Variants in AFF3 observed in about 807,000 individuals in gnomAD.
AFF3 encodes the protein AF4/FMR2 family member 3.
AFF3 carries 32 observed loss-of-function variants against 129.7 expected under a neutral mutation model. The ratio of observed to expected loss-of-function variants is 0.25; its 90% CI spans 0.19 to 0.33. The LOEUF (loss-of-function observed/expected upper bound fraction) is 0.33. Among genes scored for constraint, AFF3 ranks in the 10% least tolerant of loss-of-function variants. The pLI is 1.00. For missense variants in AFF3, 1,373 were observed against 1,592.0 expected, an observed-to-expected ratio of 0.86 and a Z score of 2.34; for synonymous variants, 644 against 635.4, an observed-to-expected ratio of 1.01 and a Z score of -0.20.
At chr2:99,610,362 T>C (rs1268594818) in intron 13 of AFF3, among the ~76,000 whole-genome samples, 2 of 152,252 alleles carry the variant, frequency 1.3e-5, no homozygotes, top group African/African-American at 4.8e-5. Context: ...GAGAATGTTA[T>C]AGAAACAGAA....
chr2:99,872,348 C>CCACATTT (rs1691932700), intron 7 of AFF3, among the ~76,000 whole-genome samples: 1 of 151,562 alleles, frequency 6.6e-6, no homozygotes, highest in African/African-American at 2.4e-5. Context: ...TGTCTAAATA[C>CCACATTT]CACATTTTGG....
chr2:99,897,007 G>A (rs937404241), intron 7 of AFF3, among the ~76,000 whole-genome samples: 1 of 152,000 alleles, frequency 6.6e-6, no homozygotes, highest in Non-Finnish European at 1.5e-5. Flanking sequence ...AGTACACCCC[G>A]TGAATTTTAA....
At chr2:99,937,658 A>G (rs1219904422) in intron 7 of AFF3, among the ~76,000 whole-genome samples, 2 of 152,144 alleles carry the variant, frequency 1.3e-5, no homozygotes, top group African/African-American at 4.8e-5. Context: ...CGGCCTCCCA[A>G]AGTGCTGGGA....
chr2:99,928,333 A>T (rs756787138), intron 7 of AFF3, among the ~76,000 whole-genome samples: 18 of 152,214 alleles, frequency 1.2e-4, no homozygotes, highest in Non-Finnish European at 1.6e-4. Context: ...GTAAGTTTTT[A>T]AAATATATAA....
chr2:100,009,073 A>C, intron 4 of AFF3, 141 bp from the exon 5 acceptor site: 1 of 1,178,092 alleles, frequency 8.5e-7, no homozygotes, highest in Non-Finnish European at 1.2e-6. Context: ...CAAAAGCCAG[A>C]GTCATCAGGC....
chr2:100,008,955 G>A, intron 4 of AFF3, 23 bp from the exon 5 acceptor site: 3 of 1,612,416 alleles, frequency 1.9e-6, no homozygotes, highest in Non-Finnish European at 2.5e-6. Flanking sequence ...AAAGAAGAGA[G>A]AACAACCACA....
At chr2:99,746,659 G>GTT (rs201310688) in intron 9 of AFF3, among the ~76,000 whole-genome samples, 72 of 152,330 alleles carry the variant, frequency 4.7e-4, no homozygotes, top group African/African-American at 1.5e-3. Flanking sequence ...AATATCATCT[G>GTT]TAAGAATGAT....
intron 4 of AFF3, among the ~76,000 whole-genome samples, chr2:100,045,486 T>C (rs1385430563): frequency 3.9e-5 from 6 of 152,244 alleles, no homozygotes; most frequent in African/African-American, 1.4e-4. Context: ...TATTTATTAT[T>C]TTAAGTGAGG....
At chr2:99,617,762 ATTTTC>A (rs1681582737) in intron 13 of AFF3, among the ~76,000 whole-genome samples, 1 of 152,148 alleles carries the variant, frequency 6.6e-6, no homozygotes, top group Non-Finnish European at 1.5e-5. Flanking sequence ...TTTTCAAGGC[ATTTTC>A]TTTTCAAGTC....
At position 99,883,212 on chromosome 2, in the gene AFF3, T is replaced by C. The variant is rs149519432; in HGVS notation, c.874-45688A>G. Among the ~76,000 whole-genome samples the C allele has an allele frequency of 2.4e-3, 368 of 152,312 alleles. 4 individuals are homozygous for C. Among genetic ancestry groups the C allele is most frequent in the African/African-American group, 7.2e-3 (301 of 41,564 alleles). ...CTTTGCAATATGTTAATAATTAATATGAATTCACACCAATACGATATCTTC... is the reference window on the plus strand; with the variant it reads ...CTTTGCAATATGTTAATAATTAATACGAATTCACACCAATACGATATCTTC... On this transcript the variant is annotated intron_variant, in intron 7 of 24. Transcript: ENST00000672756.
intron 8 of AFF3, among the ~76,000 whole-genome samples, chr2:99,780,509 G>A (rs1684314662): frequency 6.6e-6 from 1 of 152,036 alleles, no homozygotes; most frequent in Admixed American, 6.6e-5. Context: ...TCCTGGCCAC[G>A]TTTACCCTGC....
intron 7 of AFF3, among the ~76,000 whole-genome samples, chr2:99,999,910 T>A (rs1251624409): frequency 2.6e-5 from 4 of 152,130 alleles, no homozygotes; most frequent in Non-Finnish European, 4.4e-5. Flanking sequence ...CCAGTCAGTA[T>A]CACTTCCAGA....
At chr2:99,809,962 G>A (rs1437778432) in intron 8 of AFF3, among the ~76,000 whole-genome samples, 1 of 152,152 alleles carries the variant, frequency 6.6e-6, no homozygotes, top group Non-Finnish European at 1.5e-5. Context: ...GTAAGGGAAA[G>A]GTCACTTTGT....
At chr2:100,021,903 T>G (rs1033527335) in intron 4 of AFF3, among the ~76,000 whole-genome samples, 1 of 152,180 alleles carries the variant, frequency 6.6e-6, no homozygotes, top group African/African-American at 2.4e-5. Context: ...ATTTAAAAAA[T>G]ATTATTTAAT....
At position 100,074,325 on chromosome 2, in the gene AFF3, T is replaced by C. The variant is rs145173689; in HGVS notation, c.53+30077A>G. On this transcript the variant is annotated intron_variant, in intron 4 of 24. Transcript: ENST00000672756. ...GTCCAAAGTATTCCTCAGTACCCTC[T>C]TGTTCTTGCCACTCTCTGTGTTCTC... is the stretch of plus-strand genomic sequence containing the variant. 3.0e-3 allele frequency among the ~76,000 whole-genome samples: 456 copies of C among 152,328 alleles called. 4 individuals are homozygous for C. The highest frequency in any genetic ancestry group is 0.011 in the African/African-American group (437 of 41,580).
intron 8 of AFF3, among the ~76,000 whole-genome samples, chr2:99,798,011 T>C (rs1321840633): frequency 6.6e-6 from 1 of 152,126 alleles, no homozygotes; most frequent in African/African-American, 2.4e-5. Context: ...AAACATATTT[T>C]ATAATTTGAA....
At chr2:99,878,379 G>A (rs979535227) in intron 7 of AFF3, among the ~76,000 whole-genome samples, 6 of 152,136 alleles carry the variant, frequency 3.9e-5, no homozygotes, top group African/African-American at 1.4e-4. Context: ...TTTAGGGTCA[G>A]GGAAAATTTT....
chr2:99,791,587 C>T (rs911096281), intron 8 of AFF3, among the ~76,000 whole-genome samples: 13 of 152,286 alleles, frequency 8.5e-5, no homozygotes, highest in African/African-American at 2.6e-4. Flanking sequence ...TCATTATTCA[C>T]GGATTCTTTA....
intron 15 of AFF3, among the ~76,000 whole-genome samples, chr2:99,587,545 C>T (rs1455253188): frequency 6.6e-6 from 1 of 152,204 alleles, no homozygotes; most frequent in African/African-American, 2.4e-5. Context: ...CTGAAAGCTG[C>T]TCTGCCATCA....
Sources: allele counts gnomAD v4.1 joint callset (sites outside exome capture counted in the v4.1 genomes callset), GRCh38; gene constraint gnomAD v4.1.1; transcripts MANE v1.5; gene names NCBI Gene and HGNC (gene_info 2026-07-23, HGNC 2026-07-21).